The following RMST variants were observed in gnomAD, a reference collection of about 807,000 sequenced individuals.
RMST encodes rhabdomyosarcoma 2 associated transcript, also known as long intergenic non-protein coding RNA 54.
intron 11 of RMST, among the ~76,000 whole-genome samples, chr12:97,546,256 G>A (rs1346540125): frequency 6.6e-6 from 1 of 151,880 alleles, no homozygotes; most frequent in Non-Finnish European, 1.5e-5. Context: ...CTTTTTTATG[G>A]AGAGATCTAA....
chr12:97,513,866 A>C (rs1445524271), intron 10 of RMST, among the ~76,000 whole-genome samples: 1 of 152,148 alleles, frequency 6.6e-6, no homozygotes, highest in Non-Finnish European at 1.5e-5. Flanking sequence ...TCCAGAAAAG[A>C]AAAGGGTCAG....
At chr12:97,505,933 G>C (rs985702849) in intron 10 of RMST, among the ~76,000 whole-genome samples, 2 of 152,028 alleles carry the variant, frequency 1.3e-5, no homozygotes, top group African/African-American at 4.8e-5. Context: ...ATTGCCAAGA[G>C]GATGAATATA....
intron 11 of RMST, among the ~76,000 whole-genome samples, chr12:97,548,476 A>G (rs1883093945): frequency 6.6e-6 from 1 of 151,272 alleles, no homozygotes; most frequent in South Asian, 2.1e-4. Context: ...TAGATCATGA[A>G]TATTTTAACA....
chr12:97,514,252 C>A (rs557158994), intron 10 of RMST, among the ~76,000 whole-genome samples: 1 of 152,262 alleles, frequency 6.6e-6, no homozygotes, highest in South Asian at 2.1e-4. Flanking sequence ...CAACATATTT[C>A]CAGATGACAA....
chr12:97,509,225 G>T (rs1414201371), intron 10 of RMST, among the ~76,000 whole-genome samples: 1 of 152,174 alleles, frequency 6.6e-6, no homozygotes, highest in Non-Finnish European at 1.5e-5. Context: ...TATTTATAAA[G>T]ATTTCACCAT....
intron 11 of RMST, among the ~76,000 whole-genome samples, chr12:97,547,034 G>C (rs1002841129): frequency 2.0e-5 from 3 of 151,268 alleles, no homozygotes; most frequent in African/African-American, 4.9e-5. Context: ...ACATATAAGT[G>C]AGATCACACA....
chr12:97,563,928 C>T (rs1458740238), intron 13 of RMST: 3 of 496,786 alleles, frequency 6.0e-6, no homozygotes, highest in Non-Finnish European at 1.3e-5. Flanking sequence ...AAGAAGGGGC[C>T]ATCAGTATAG....
intron 11 of RMST, among the ~76,000 whole-genome samples, chr12:97,547,934 G>A (rs1007807516): frequency 1.3e-5 from 2 of 151,874 alleles, no homozygotes; most frequent in Non-Finnish European, 2.9e-5. Context: ...CTTGTTGCCT[G>A]TGCCTTGGGG....
chr12:97,503,551 C>T (rs115307608), intron 10 of RMST, among the ~76,000 whole-genome samples: 1,811 of 151,406 alleles, frequency 0.012, 31 homozygotes, highest in African/African-American at 0.041. Flanking sequence ...GCAAACCAGA[C>T]GAAGTCCACA....
chr12:97,534,868 A>T (rs1011794086), intron 11 of RMST, among the ~76,000 whole-genome samples: 17 of 151,724 alleles, frequency 1.1e-4, no homozygotes, highest in Non-Finnish European at 2.1e-4. Flanking sequence ...TGTTTTAAAA[A>T]GTGACCAATG....
intron 5 of RMST, among the ~76,000 whole-genome samples, chr12:97,491,397 C>T (rs1280165768): frequency 6.6e-6 from 1 of 152,144 alleles, no homozygotes; most frequent in African/African-American, 2.4e-5. Flanking sequence ...GTACTGTCAC[C>T]AGAATCGAAT....
At chr12:97,510,858 CTTTTTT>C (rs949606415) in intron 10 of RMST, among the ~76,000 whole-genome samples, 1 of 147,260 alleles carries the variant, frequency 6.8e-6, no homozygotes, top group African/African-American at 2.5e-5. Context: ...TTTCCAGTCA[CTTTTTT>C]TTTTTAAGTT....
At chr12:97,562,185 G>A (rs1440073853) in intron 13 of RMST, among the ~76,000 whole-genome samples, 3 of 152,130 alleles carry the variant, frequency 2.0e-5, no homozygotes, top group African/African-American at 4.8e-5. Flanking sequence ...CTGATCCAAA[G>A]GATGCAGGTC....
intron 5 of RMST, among the ~76,000 whole-genome samples, chr12:97,470,166 C>A (rs1012189428): frequency 6.6e-6 from 1 of 152,066 alleles, no homozygotes; most frequent in African/African-American, 2.4e-5. Context: ...TCCCCAAGTT[C>A]TTTTATCTGC....
chr12:97,511,781 G>C (rs1054869076), intron 10 of RMST, among the ~76,000 whole-genome samples: 1 of 152,146 alleles, frequency 6.6e-6, no homozygotes, highest in Non-Finnish European at 1.5e-5. Context: ...AAACTAGGGG[G>C]TATGAAAATG....
At position 97,505,153 on chromosome 12, in the gene RMST, T is replaced by C. The variant is rs185488192; in HGVS notation, n.1340+9097T>C. Among the ~76,000 whole-genome samples the C allele has an allele frequency of 4.0e-4, 61 of 152,348 alleles. No homozygotes were observed. In the East Asian group the frequency reaches 0.01, roughly 25 times the overall value. On this transcript the variant is annotated intron_variant and non_coding_transcript_variant, in intron 10 of 13. Coordinates refer to ENST00000640149, the Ensembl canonical transcript of RMST. Reference sequence around the variant, plus strand: ...GTCTGACATGCAAATTATTCAGCAGTGTCTAAAGCAAAATCAATATAATGG... The same window carrying C: ...GTCTGACATGCAAATTATTCAGCAGCGTCTAAAGCAAAATCAATATAATGG...
intron 5 of RMST, among the ~76,000 whole-genome samples, chr12:97,482,789 ATAT>A (rs1875567440): frequency 6.9e-6 from 1 of 144,320 alleles, no homozygotes; most frequent in Admixed American, 7.0e-5. Context: ...AAATAAATTT[ATAT>A]TATTTATTTA....
rs144307813 is a variant in RMST at position 97,516,461 on chromosome 12, A to T, written n.1341-14194A>T. On this transcript the variant is annotated intron_variant and non_coding_transcript_variant, in intron 10 of 13. Coordinates refer to ENST00000640149, the Ensembl canonical transcript of RMST. ...TACACAGCCAGCAAGGGATACATGT[A>T]TATCAGTGGTGCTATTAAATATTTG... Among the ~76,000 whole-genome samples the T allele has an allele frequency of 7.1e-3, 1,076 of 152,182 alleles. 7 individuals are homozygous for T. Among genetic ancestry groups the T allele is most frequent in the Admixed American group, 0.02 (303 of 15,282 alleles).
chr12:97,498,820 C>T (rs1404870990), intron 10 of RMST, among the ~76,000 whole-genome samples: 1 of 152,196 alleles, frequency 6.6e-6, no homozygotes, highest in Non-Finnish European at 1.5e-5. Flanking sequence ...ACACGAAGAT[C>T]TAGATGACTG....
Sources: allele counts gnomAD v4.1 joint callset (sites outside exome capture counted in the v4.1 genomes callset), GRCh38; gene constraint gnomAD v4.1.1; transcripts MANE v1.5; gene names NCBI Gene and HGNC (gene_info 2026-07-23, HGNC 2026-07-21).